Variants in CCDC69 observed in about 807,000 individuals in gnomAD.
CCDC69 encodes coiled-coil domain containing 69, also known as coiled-coil domain-containing protein 69.
A neutral mutation model predicts 40.3 loss-of-function variants in CCDC69; 38 were observed. The ratio of observed to expected loss-of-function variants is 0.94; its 90% confidence interval spans 0.73 to 1.24. CCDC69 has a LOEUF of 1.24. Among genes scored for constraint, CCDC69 ranks in the 50% most tolerant of loss-of-function variants. CCDC69 has a pLI of 0.00. For synonymous variants in CCDC69, 141 were observed against 138.9 expected, an observed-to-expected ratio of 1.02 and a Z score of -0.11; for missense variants, 389 against 357.9, an observed-to-expected ratio of 1.09 and a Z score of -0.70.
chr5:151,191,702 G>A (rs1008118975), intron 4 of CCDC69, among the ~76,000 whole-genome samples: 27 of 152,272 alleles, frequency 1.8e-4, no homozygotes, highest in African/African-American at 6.5e-4. Flanking sequence ...TAGGATGCAG[G>A]TAAAGCAGAG....
intron 4 of CCDC69, among the ~76,000 whole-genome samples, chr5:151,193,205 C>T (rs957867876): frequency 6.6e-6 from 1 of 151,976 alleles, no homozygotes; most frequent in Non-Finnish European, 1.5e-5. Flanking sequence ...ATGTAATCCA[C>T]TATATTAACC....
At chr5:151,190,276 G>A (rs1446024603) in intron 4 of CCDC69, among the ~76,000 whole-genome samples, 1 of 152,228 alleles carries the variant, frequency 6.6e-6, no homozygotes, top group Non-Finnish European at 1.5e-5. Flanking sequence ...TTAGATGTAT[G>A]TAGATGTAAT....
chr5:151,201,761 A>T, intron 2 of CCDC69, 73 bp from the exon 3 acceptor site: 1 of 954,240 alleles, frequency 1.0e-6, no homozygotes, highest in South Asian at 1.5e-5. Flanking sequence ...GCTGGCAGAG[A>T]GAGTGTGGGA....
intron 5 of CCDC69, among the ~76,000 whole-genome samples, chr5:151,186,559 G>T (rs116532144): frequency 6.6e-6 from 1 of 151,982 alleles, no homozygotes; most frequent in African/African-American, 2.4e-5. Flanking sequence ...ACAATGTCCT[G>T]CTATAAAAGA....
At chr5:151,195,297 G>C (rs1276498017) in intron 4 of CCDC69, among the ~76,000 whole-genome samples, 1 of 152,170 alleles carries the variant, frequency 6.6e-6, no homozygotes, top group Non-Finnish European at 1.5e-5. Flanking sequence ...AGCAATGCTT[G>C]GAGAATAAAG....
At chr5:151,197,068 T>G (rs1182453911) in intron 4 of CCDC69, among the ~76,000 whole-genome samples, 1 of 151,962 alleles carries the variant, frequency 6.6e-6, no homozygotes, top group Non-Finnish European at 1.5e-5. Flanking sequence ...GCAACACAGA[T>G]GAGCCCTGGA....
intron 1 of CCDC69, chr5:151,212,722 A>C (rs1283343181): frequency 2.2e-6 from 1 of 453,918 alleles, no homozygotes; most frequent in Non-Finnish European, 4.4e-6. Flanking sequence ...AGCCTTGAGA[A>C]CAGGCAGGAA....
rs1205610683 is a variant in CCDC69 at position 151,185,417 on chromosome 5, C to G, written c.615+5G>C. ...TGCATCCCCCAGCCACTCCCAGTCA[C>G]AGACCACTGTTTCCATGAGGATCAG... On this transcript the variant is annotated splice_donor_5th_base_variant and intron_variant, in intron 7 of 8. Transcript: ENST00000355417. The G allele has an allele frequency of 1.2e-6, 2 of 1,613,760 alleles. No homozygotes were observed. The highest frequency in any genetic ancestry group is 3.3e-5 in the Admixed American group (2 of 59,998).
chr5:151,214,238 C>T (rs974708876), intron 1 of CCDC69, among the ~76,000 whole-genome samples: 2 of 152,154 alleles, frequency 1.3e-5, no homozygotes, highest in Non-Finnish European at 2.9e-5. Context: ...GCTGCCTTTC[C>T]GGTGTCTGGC....
At position 151,183,431 on chromosome 5, in the gene CCDC69, T is replaced by C. The variant is rs555882551; in HGVS notation, c.*6A>G. On this transcript the variant is annotated 3_prime_UTR_variant, in exon 9 of 9. Coordinates refer to ENST00000355417, the MANE Select transcript of CCDC69 (RefSeq NM_015621.3). The stretch of plus-strand genomic sequence containing the variant: ...CAGGCGTCGTGGTGGGCCCAGGCCC[T>C]GCACCCTATGTGGCGAGGAAAGAGA... The C allele has an allele frequency of 1.5e-4, 244 of 1,598,218 alleles. 3 individuals are homozygous for C. The South Asian group carries it at 2.7e-3, about 18-fold the overall frequency.
At chr5:151,187,321 A>G in intron 5 of CCDC69, 65 bp downstream of exon 5, 2 of 1,470,904 alleles carry the variant, frequency 1.4e-6, no homozygotes, top group Non-Finnish European at 1.9e-6. Context: ...TTGGGGCTCC[A>G]TGCTGCTTTC....
intron 4 of CCDC69, among the ~76,000 whole-genome samples, chr5:151,197,028 G>A (rs1034937851): frequency 3.3e-5 from 5 of 152,188 alleles, no homozygotes; most frequent in Admixed American, 6.5e-5. Flanking sequence ...TTACCCAGCC[G>A]TAAAAAGAAA....
chr5:151,209,060 C>T (rs1220639873), intron 1 of CCDC69, among the ~76,000 whole-genome samples: 8 of 152,234 alleles, frequency 5.3e-5, no homozygotes, highest in Non-Finnish European at 1.2e-4. Flanking sequence ...GTGAGAATAT[C>T]AGAGACTGCA....
At chr5:151,222,986 C>G (rs1225831810) in intron 1 of CCDC69, among the ~76,000 whole-genome samples, 1 of 152,150 alleles carries the variant, frequency 6.6e-6, no homozygotes, top group Non-Finnish European at 1.5e-5. Context: ...TGGGGCCTCT[C>G]AAGGTCTCAA....
rs778072825 is a variant in CCDC69, at chr5:151,198,286, AGATT to A, written c.319+707_319+710del. Among the ~76,000 whole-genome samples, 1,416 of 145,514 alleles carry A rather than the reference AGATT, an allele frequency of 9.7e-3. 15 individuals carry two copies. The highest frequency in any genetic ancestry group is 0.014 in the East Asian group (69 of 4,980). On this transcript the variant is annotated intron_variant, in intron 4 of 8. Coordinates refer to ENST00000355417, the MANE Select transcript of CCDC69 (RefSeq NM_015621.3). Reference sequence around the variant, plus strand: ...CCAGGGACTGGAGCTCTAGAGAATGAGATTGATCTATCTATCTATCTATCTATCT... The same window carrying A: ...CCAGGGACTGGAGCTCTAGAGAATGAGATCTATCTATCTATCTATCTATCT...
At chr5:151,185,936 T>C in intron 6 of CCDC69, 87 bp downstream of exon 6, 1 of 889,712 alleles carries the variant, frequency 1.1e-6, no homozygotes, top group South Asian at 1.3e-5. Context: ...AGTCTTGTCC[T>C]TGAAGAGGGG....
At chr5:151,211,846 T>A (rs1329397700) in intron 1 of CCDC69, among the ~76,000 whole-genome samples, 1 of 151,964 alleles carries the variant, frequency 6.6e-6, no homozygotes, top group African/African-American at 2.4e-5. Context: ...TTTAGCAGTC[T>A]AGCCAGATGA....
intron 1 of CCDC69, among the ~76,000 whole-genome samples, chr5:151,217,984 C>G (rs1324163528): frequency 6.9e-6 from 1 of 144,534 alleles, no homozygotes; most frequent in Non-Finnish European, 1.5e-5. Context: ...ATTGTACACT[C>G]AGTGAAAAAA....
At chr5:151,185,371 CAGA>C (rs754498190) in intron 7 of CCDC69, 48 bp downstream of exon 7, 1 of 1,604,554 alleles carries the variant, frequency 6.2e-7, no homozygotes, top group East Asian at 2.2e-5. Flanking sequence ...AGGAAACACC[CAGA>C]AAGCGGGAGC....
Sources: gnomAD v4.1 joint callset for allele counts (sites outside exome capture counted in the v4.1 genomes callset) on GRCh38, gnomAD v4.1.1 for gene constraint, MANE v1.5 for transcripts, NCBI Gene and HGNC (gene_info 2026-07-23, HGNC 2026-07-21) for gene names.